PARD3: variants seen among roughly 807,000 people sequenced by gnomAD.
PARD3 encodes the protein partitioning defective 3 homolog.
Under a neutral mutation model 155.4 loss-of-function variants are expected in PARD3, and 75 were observed. The observed-to-expected ratio is 0.48, with a 90% CI of 0.40 to 0.58. The LOEUF is 0.58. Ranked by LOEUF, PARD3 falls within the 20% of genes least tolerant of loss-of-function variation. PARD3 has a pLI of 0.00. For synonymous variants in PARD3, 576 were observed against 610.5 expected, an observed-to-expected ratio of 0.94 and a Z score of 0.83; for missense variants, 1,642 against 1,721.7, an observed-to-expected ratio of 0.95 and a Z score of 0.82.
intron 1 of PARD3, among the ~76,000 whole-genome samples, chr10:34,752,577 T>C (rs1157310428): frequency 6.6e-6 from 1 of 151,924 alleles, no homozygotes; most frequent in Admixed American, 6.6e-5. Context: ...AGCTGACTAC[T>C]ATGAAGACCA....
intron 20 of PARD3, among the ~76,000 whole-genome samples, chr10:34,311,601 A>G (rs984864487): frequency 6.6e-6 from 1 of 152,236 alleles, no homozygotes; most frequent in African/African-American, 2.4e-5. Context: ...AGAAACATTT[A>G]TGAAAGAGTG....
At chr10:34,185,810 T>TTTATA (rs1588674654) in intron 22 of PARD3, among the ~76,000 whole-genome samples, 1 of 110,304 alleles carries the variant, frequency 9.1e-6, no homozygotes, top group East Asian at 2.5e-4. Flanking sequence ...AGTAACATCT[T>TTTATA]CTATATTATA....
chr10:34,355,849 C>T (rs1589284917), intron 14 of PARD3, among the ~76,000 whole-genome samples: 2 of 136,924 alleles, frequency 1.5e-5, no homozygotes, highest in Non-Finnish European at 3.1e-5. Context: ...CACTTGAACC[C>T]GGGAGGCGGA....
chr10:34,606,701 G>A (rs1399699778), intron 2 of PARD3, among the ~76,000 whole-genome samples: 2 of 151,222 alleles, frequency 1.3e-5, no homozygotes, highest in East Asian at 3.9e-4. Flanking sequence ...TGGGCATGGT[G>A]GCTCACGCCT....
At chr10:34,202,100 GTC>G (rs1951244842) in intron 22 of PARD3, 1 of 152,096 alleles carries the variant, frequency 6.6e-6, no homozygotes, top group South Asian at 2.1e-4. Flanking sequence ...TAGAGACAGG[GTC>G]TCTCTTTGTT....
intron 2 of PARD3, among the ~76,000 whole-genome samples, chr10:34,592,870 A>C (rs2088849363): frequency 6.6e-6 from 1 of 152,252 alleles, no homozygotes; most frequent in Non-Finnish European, 1.5e-5. Flanking sequence ...AAAAAGGCAC[A>C]GTCCATTCAA....
chr10:34,675,656 C>A, intron 2 of PARD3: 1 of 189,708 alleles, frequency 5.3e-6, no homozygotes, highest in East Asian at 1.2e-4. Context: ...ATTTAAAGTG[C>A]TCTTCAATGA....
chr10:34,464,776 C>T (rs1260152174), intron 4 of PARD3, among the ~76,000 whole-genome samples: 1 of 152,190 alleles, frequency 6.6e-6, no homozygotes, highest in African/African-American at 2.4e-5. Flanking sequence ...GGAAATTAAA[C>T]TATACTTGGA....
chr10:34,138,789 T>G (rs1948033081), intron 22 of PARD3, among the ~76,000 whole-genome samples: 1 of 152,124 alleles, frequency 6.6e-6, no homozygotes, highest in African/African-American at 2.4e-5. Flanking sequence ...AATTTACTTT[T>G]TGGCCTATGT....
chr10:34,381,912 CAAAAAAAAAAAAAAAAA>C (rs202053812), intron 9 of PARD3, among the ~76,000 whole-genome samples: 4 of 71,870 alleles, frequency 5.6e-5, no homozygotes, highest in Admixed American at 1.6e-4. Flanking sequence ...GGCCCTGTCT[CAAAAAAAAAAAAAAAAA>C]AAAAAAAAAA....
At chr10:34,113,476 T>C (rs912278468) in intron 24 of PARD3, among the ~76,000 whole-genome samples, 1 of 151,174 alleles carries the variant, frequency 6.6e-6, no homozygotes, top group East Asian at 1.9e-4. Flanking sequence ...GATATGTGGG[T>C]AAAATGCACA....
At chr10:34,589,654 A>G in intron 2 of PARD3, among the ~76,000 whole-genome samples, 1 of 151,258 alleles carries the variant, frequency 6.6e-6, no homozygotes, top group Admixed American at 6.6e-5. Flanking sequence ...AAAAAAAAAA[A>G]AAAACCAAGC....
intron 1 of PARD3, among the ~76,000 whole-genome samples, chr10:34,772,391 CATT>C (rs964519933): frequency 2.0e-5 from 3 of 152,058 alleles, no homozygotes; most frequent in African/African-American, 7.2e-5. Context: ...GTTATTTTCT[CATT>C]ATCAATTGTA....
chr10:34,476,155 G>T (rs2078690498), intron 3 of PARD3, among the ~76,000 whole-genome samples: 1 of 152,012 alleles, frequency 6.6e-6, no homozygotes, highest in Admixed American at 6.6e-5. Flanking sequence ...AATTTAAAAA[G>T]GAACCACTGA....
In PARD3 at chr10:34,570,144, CA is replaced by C. The variant is rs559580969; in HGVS notation, c.223-52986del. On this transcript the variant is annotated intron_variant, in intron 2 of 24. Coordinates refer to ENST00000374788, the MANE Select transcript of PARD3 (RefSeq NM_001184785.2). ...AGTTGCTTACTCTCCCAGTTCTGGC[CA>C]AAATACTCAAATACATATATTTCAA... 8.2e-4 allele frequency among the ~76,000 whole-genome samples: 125 copies of C among 152,148 alleles called. 1 individual carries two copies. Among genetic ancestry groups the C allele is most frequent in the Admixed American group, 8.2e-3 (125 of 15,282 alleles).
chr10:34,680,010 C>T (rs1175075974), intron 2 of PARD3, among the ~76,000 whole-genome samples: 1 of 152,030 alleles, frequency 6.6e-6, no homozygotes, highest in Non-Finnish European at 1.5e-5. Context: ...GATGGATGCA[C>T]TAAAAGCCCA....
At chr10:34,218,386 A>C (rs1371462406) in intron 22 of PARD3, among the ~76,000 whole-genome samples, 1 of 152,208 alleles carries the variant, frequency 6.6e-6, no homozygotes, top group East Asian at 1.9e-4. Context: ...AACCACCATG[A>C]AAAAACAAGC....
At position 34,501,355 on chromosome 10, in the gene PARD3, G is replaced by A. The variant is rs1027999280; in HGVS notation, c.403+15624C>T. Among the ~76,000 whole-genome samples the A allele has an allele frequency of 3.9e-5, 6 of 152,012 alleles. No homozygotes were observed. In the East Asian group the frequency reaches 9.7e-4, roughly 24 times the overall value. ...CTTGCTCCTGCTTTCGTCATGTGACGTGCCTCCTCCCCCTTCAACTTTCAC... is the reference window on the plus strand; with the variant it reads ...CTTGCTCCTGCTTTCGTCATGTGACATGCCTCCTCCCCCTTCAACTTTCAC... On this transcript the variant is annotated intron_variant, in intron 3 of 24. Coordinates refer to ENST00000374788, the MANE Select transcript of PARD3 (RefSeq NM_001184785.2).
At chr10:34,810,174 C>G (rs888743712) in intron 1 of PARD3, among the ~76,000 whole-genome samples, 1 of 152,204 alleles carries the variant, frequency 6.6e-6, no homozygotes, top group Non-Finnish European at 1.5e-5. Flanking sequence ...TGAGCACCCA[C>G]ATGACGCCAC....
Sources: gnomAD v4.1 joint callset for allele counts (sites outside exome capture counted in the v4.1 genomes callset) on GRCh38, gnomAD v4.1.1 for gene constraint, MANE v1.5 for transcripts, NCBI Gene and HGNC (gene_info 2026-07-23, HGNC 2026-07-21) for gene names.